CADPS: variants seen among roughly 807,000 people sequenced by gnomAD.
CADPS encodes the protein calcium dependent secretion activator.
Under a neutral mutation model 167.3 loss-of-function variants are expected in CADPS, and 57 were observed. The ratio of observed to expected loss-of-function variants is 0.34; its 90% CI spans 0.28 to 0.42. The LOEUF (loss-of-function observed/expected upper bound fraction) is 0.42. Ranked by LOEUF, CADPS falls within the 20% of genes least tolerant of loss-of-function variation. The probability of loss-of-function intolerance (pLI) is 1.00; values close to 1 mark genes in which losing one functional copy is unlikely to be tolerated. For missense variants in CADPS, 1,414 were observed against 1,738.1 expected (o/e 0.81, Z 3.32); for synonymous variants, 676 against 635.3 (o/e 1.06, Z -0.96).
chr3:62,536,657 A>T (rs978885464), intron 11 of CADPS, 76 bp from the exon 12 acceptor site: 22 of 1,418,882 alleles, frequency 1.6e-5, no homozygotes, highest in Non-Finnish European at 2.2e-5. Flanking sequence ...TCAAATACAC[A>T]GGAATTCACT....
intron 26 of CADPS, among the ~76,000 whole-genome samples, chr3:62,460,798 T>A (rs895753501): frequency 1.3e-5 from 2 of 152,066 alleles, no homozygotes; most frequent in African/African-American, 4.8e-5. Context: ...ACAGGGTGAA[T>A]GAGAGTAACT....
intron 8 of CADPS, among the ~76,000 whole-genome samples, chr3:62,582,651 G>C (rs1165071381): frequency 6.6e-6 from 1 of 152,104 alleles, no homozygotes; most frequent in Non-Finnish European, 1.5e-5. Context: ...GCCACGTTGG[G>C]TCCGATGGTG....
At chr3:62,422,920 A>G (rs567615571) in intron 28 of CADPS, among the ~76,000 whole-genome samples, 2 of 152,316 alleles carry the variant, frequency 1.3e-5, no homozygotes, top group African/African-American at 4.8e-5. Flanking sequence ...CTGCTACCCT[A>G]AACCATTTAT....
In CADPS at chr3:62,474,310, C is replaced by G; in HGVS notation, c.3340G>C (p.Ala1114Pro). 6.2e-7 allele frequency: 1 copy of G among 1,613,532 alleles called. No homozygotes were observed. Among genetic ancestry groups the G allele is most frequent in the Non-Finnish European group, 8.5e-7 (1 of 1,179,814 alleles). The change falls in exon 24 of 30, where the codon GCA becomes CCA. Residue 1114 changes from alanine (A) to proline (P), a missense_variant. Ala to Pro is a conservative substitution (Grantham distance 27, BLOSUM62 -1). This residue lies in a region of CADPS where 529 missense variants were observed against 629.6 expected (regional missense o/e 0.84). Transcript: ENST00000383710. ...GTTTTTTGCAGCTTAACTTCAAATG[C>G]AATCCTGGTTCTATTAAAACAAAGT... ...IESCVKRTRI[A>P]FEVKLQKTSR...
chr3:62,599,566 A>G (rs1156646889), intron 6 of CADPS, among the ~76,000 whole-genome samples: 1 of 106,020 alleles, frequency 9.4e-6, no homozygotes, highest in Non-Finnish European at 1.8e-5. Flanking sequence ...TTATATAATT[A>G]TATAAATTAT....
intron 6 of CADPS, among the ~76,000 whole-genome samples, chr3:62,622,070 T>C (rs949949985): frequency 1.3e-5 from 2 of 152,100 alleles, no homozygotes; most frequent in Admixed American, 1.3e-4. Flanking sequence ...CATCTCCTCT[T>C]GCATTCAAAC....
chr3:62,437,781 G>A (rs1230440317), intron 28 of CADPS, among the ~76,000 whole-genome samples: 1 of 152,176 alleles, frequency 6.6e-6, no homozygotes, highest in Non-Finnish European at 1.5e-5. Flanking sequence ...AGATTGCAAG[G>A]AGGAAAACCA....
At chr3:62,593,219 T>A (rs1023351174) in intron 6 of CADPS, among the ~76,000 whole-genome samples, 1 of 152,174 alleles carries the variant, frequency 6.6e-6, no homozygotes, top group African/African-American at 2.4e-5. Flanking sequence ...CCATTTTCAC[T>A]GGCATTCAAA....
chr3:62,835,983 A>G (rs1019913940), intron 1 of CADPS, among the ~76,000 whole-genome samples: 2 of 152,160 alleles, frequency 1.3e-5, no homozygotes, highest in Non-Finnish European at 2.9e-5. Context: ...CTACAACTGC[A>G]TGTGTTTAGG....
intron 7 of CADPS, among the ~76,000 whole-genome samples, chr3:62,590,299 C>T (rs2085661415): frequency 6.6e-6 from 1 of 152,052 alleles, no homozygotes; most frequent in Non-Finnish European, 1.5e-5. Flanking sequence ...TTCCTTCTAA[C>T]ACTAATATTC....
At chr3:62,551,012 C>T (rs1431470948) in intron 10 of CADPS, 1 of 440,106 alleles carries the variant, frequency 2.3e-6, no homozygotes, top group African/African-American at 2.0e-5. Context: ...TCTGTCCTTG[C>T]CCTTCTTCTC....
At chr3:62,665,469 C>A (rs372374334) in intron 3 of CADPS, among the ~76,000 whole-genome samples, 1 of 152,278 alleles carries the variant, frequency 6.6e-6, no homozygotes, top group Admixed American at 6.5e-5. Flanking sequence ...GTACTAGTCA[C>A]CTGAAACCAA....
chr3:62,647,166 A>G (rs1175101625), intron 5 of CADPS, among the ~76,000 whole-genome samples: 1 of 152,234 alleles, frequency 6.6e-6, no homozygotes, highest in Non-Finnish European at 1.5e-5. Flanking sequence ...TGAAAAAATC[A>G]TTCAGTTGTA....
intron 3 of CADPS, among the ~76,000 whole-genome samples, chr3:62,752,245 A>G (rs1224245721): frequency 6.6e-6 from 1 of 152,238 alleles, no homozygotes; most frequent in East Asian, 1.9e-4. Context: ...TAAATAAAAT[A>G]ATGATTAAAT....
intron 7 of CADPS, among the ~76,000 whole-genome samples, chr3:62,588,620 T>C (rs544843039): frequency 6.6e-6 from 1 of 152,306 alleles, no homozygotes; most frequent in South Asian, 2.1e-4. Context: ...AAATTTATTC[T>C]ATAGATACCC....
intron 1 of CADPS, among the ~76,000 whole-genome samples, chr3:62,812,592 T>C (rs1246729149): frequency 6.6e-6 from 1 of 152,190 alleles, no homozygotes; most frequent in Non-Finnish European, 1.5e-5. Flanking sequence ...AGAAAACAAC[T>C]GGCATGTGCT....
Position 62,632,531 on chromosome 3 carries a change from C to T in CADPS, c.1325+13191G>A, listed in dbSNP as rs143403719. Among the ~76,000 whole-genome samples the T allele has an allele frequency of 3.4e-3, 522 of 152,102 alleles. 2 individuals carry two copies. The highest frequency in any genetic ancestry group is 0.012 in the African/African-American group (488 of 41,484). On this transcript the variant is annotated intron_variant, in intron 6 of 29. Coordinates refer to ENST00000383710, the MANE Select transcript of CADPS (RefSeq NM_003716.4). ...ATTCCACCGTAGAGTTGGAGTCAAG[C>T]CTGATTTATTTACATGTAATTAAAC...
At chr3:62,744,257 T>C (rs1239688002) in intron 3 of CADPS, among the ~76,000 whole-genome samples, 3 of 152,060 alleles carry the variant, frequency 2.0e-5, no homozygotes, top group African/African-American at 7.2e-5. Context: ...GGTCAGGACG[T>C]AAATTATGAA....
At chr3:62,775,717 A>T (rs899108558) in intron 1 of CADPS, among the ~76,000 whole-genome samples, 8 of 152,156 alleles carry the variant, frequency 5.3e-5, no homozygotes, top group African/African-American at 1.9e-4. Flanking sequence ...TAAGTTGGCA[A>T]CTCAATCAGA....
Sources: allele counts gnomAD v4.1 joint callset (sites outside exome capture counted in the v4.1 genomes callset), GRCh38; gene constraint gnomAD v4.1.1; regional missense constraint gnomAD v4.1.1; transcripts MANE v1.5; gene names NCBI Gene and HGNC (gene_info 2026-07-23, HGNC 2026-07-21).